GRK4: variants seen among roughly 807,000 people sequenced by gnomAD.
GRK4 encodes G protein-coupled receptor kinase 2-like.
GRK4 carries 73 observed loss-of-function variants against 77.9 expected under a neutral mutation model. The observed-to-expected ratio is 0.94, with a 90% CI of 0.78 to 1.14. The LOEUF (loss-of-function observed/expected upper bound fraction) is 1.14, where lower values mean the gene tolerates loss of function less well. Ranked by LOEUF, GRK4 falls within the 50% of genes most tolerant of loss-of-function variation. The probability of loss-of-function intolerance (pLI) is 0.00; values close to 1 mark genes in which losing one functional copy is unlikely to be tolerated. For missense variants in GRK4, 729 were observed against 700.2 expected (o/e 1.04, Z -0.46); for synonymous variants, 257 against 254.4 (o/e 1.01, Z -0.10).
In GRK4 at chr4:2,963,983, A is replaced by T. The variant is rs1245734236; in HGVS notation, c.-88A>T. On this transcript the variant is annotated 5_prime_UTR_variant, in exon 1 of 16. It removes an upstream start codon present in the reference 5' UTR. Coordinates refer to ENST00000398052, the MANE Select transcript of GRK4 (RefSeq NM_182982.3). ...AGGAGAGGGTGGTGCCCGGCGAGCT[A>T]TGCACGGGGGCGGCGGCGTCTCCTC... 2 of 1,192,250 alleles carry T rather than the reference A, an allele frequency of 1.7e-6. No homozygotes were observed. The highest frequency in any genetic ancestry group is 2.4e-6 in the Non-Finnish European group (2 of 819,194). The allele number at this position is 1,192,250 out of a possible 1,614,324, so 73.9% of individuals were successfully genotyped here.
intron 3 of GRK4, among the ~76,000 whole-genome samples, chr4:2,991,557 C>G (rs1397743708): frequency 6.6e-6 from 1 of 152,212 alleles, no homozygotes; most frequent in Non-Finnish European, 1.5e-5. Context: ...GTTGCCCAGG[C>G]TGGAGTGTAG....
chr4:2,976,893 T>C (rs3021138), intron 1 of GRK4, among the ~76,000 whole-genome samples: 58,397 of 151,944 alleles, frequency 0.38, 11,990 homozygotes, highest in African/African-American at 0.51. Flanking sequence ...TCCACCCCGG[T>C]CTCCCAAAGT....
chr4:3,007,100 G>T (rs969210057), intron 5 of GRK4, among the ~76,000 whole-genome samples: 1 of 152,152 alleles, frequency 6.6e-6, no homozygotes, highest in African/African-American at 2.4e-5. Context: ...GCTTTGGGAG[G>T]CTGAGATGGG....
chr4:3,001,870 G>A (rs949414223), intron 4 of GRK4, among the ~76,000 whole-genome samples: 1 of 152,202 alleles, frequency 6.6e-6, no homozygotes, highest in African/African-American at 2.4e-5. Flanking sequence ...TCAGAAATCA[G>A]TCTGGAATGC....
At chr4:3,029,076 C>T (rs901973148) in intron 11 of GRK4, 125 bp from the exon 12 acceptor site, 12 of 753,262 alleles carry the variant, frequency 1.6e-5, no homozygotes, top group Non-Finnish European at 2.4e-5. Context: ...CCAGCCTTAA[C>T]ATAATGTTTT....
rs185837805 is a variant in GRK4 at position 2,996,293 on chromosome 4, G to A, written c.339+4001G>A. 2.8e-3 allele frequency among the ~76,000 whole-genome samples: 427 copies of A among 152,272 alleles called. 8 individuals are homozygous for A. The highest frequency in any genetic ancestry group is 0.026 in the Admixed American group (391 of 15,306). ...TCTTAGGCCGGGCGCGGTGGCTCAC[G>A]CCTGTAATCCCAGCACTTTGGGAGG... On this transcript the variant is annotated intron_variant, in intron 4 of 15. Coordinates refer to ENST00000398052, the MANE Select transcript of GRK4 (RefSeq NM_182982.3).
At chr4:3,004,023 G>A (rs528827861) in intron 4 of GRK4, among the ~76,000 whole-genome samples, 2 of 152,232 alleles carry the variant, frequency 1.3e-5, no homozygotes, top group Non-Finnish European at 2.9e-5. Flanking sequence ...CTGGCCCTGT[G>A]TGTGTTTTGA....
At chr4:3,008,266 C>T (rs1731891934) in intron 6 of GRK4, among the ~76,000 whole-genome samples, 1 of 152,158 alleles carries the variant, frequency 6.6e-6, no homozygotes, top group African/African-American at 2.4e-5. Flanking sequence ...TAAAACTTAG[C>T]TTAGATTTTT....
chr4:3,038,601 T>A (rs1483142386), intron 15 of GRK4, 88 bp downstream of exon 15: 1 of 1,454,872 alleles, frequency 6.9e-7, no homozygotes, highest in East Asian at 2.3e-5. Flanking sequence ...TGGTACTTTT[T>A]CTGTTTGCGA....
chr4:2,971,943 A>T (rs1719676223), intron 1 of GRK4, among the ~76,000 whole-genome samples: 1 of 152,158 alleles, frequency 6.6e-6, no homozygotes, highest in African/African-American at 2.4e-5. Flanking sequence ...CACCCTAATG[A>T]CCTAATTTTA....
intron 15 of GRK4, 152 bp from the exon 16 acceptor site, chr4:3,040,420 G>A (rs891629335): frequency 3.3e-5 from 19 of 579,782 alleles, no homozygotes; most frequent in Admixed American, 6.5e-5. Context: ...CAGCCTGGGC[G>A]ACAGAGTGAG....
At chr4:3,007,019 A>C (rs906920498) in intron 5 of GRK4, among the ~76,000 whole-genome samples, 4 of 152,090 alleles carry the variant, frequency 2.6e-5, no homozygotes, top group Non-Finnish European at 4.4e-5. Context: ...CATGTGCACT[A>C]AGTGACATGT....
At chr4:3,006,774 A>AG (rs745933121) in intron 5 of GRK4, among the ~76,000 whole-genome samples, 7 of 152,118 alleles carry the variant, frequency 4.6e-5, no homozygotes, top group Non-Finnish European at 7.4e-5. Flanking sequence ...CCAAAAAAAA[A>AG]GAAAAGAGAT....
intron 2 of GRK4, among the ~76,000 whole-genome samples, 163 bp from the exon 3 acceptor site, chr4:2,988,564 A>C (rs2051557): frequency 0.37 from 55,429 of 151,162 alleles, 10,564 homozygotes; most frequent in African/African-American, 0.45. Context: ...GAGGAGGGAG[A>C]CTGTCTGAAA....
chr4:3,039,338 C>T (rs1446249890), intron 15 of GRK4, among the ~76,000 whole-genome samples: 3 of 152,162 alleles, frequency 2.0e-5, no homozygotes, highest in African/African-American at 7.2e-5. Context: ...CTACTTTGCA[C>T]CCTGTGTGTT....
At chr4:3,035,283 CT>C in intron 12 of GRK4, 102 bp from the exon 13 acceptor site, 4 of 1,145,690 alleles carry the variant, frequency 3.5e-6, no homozygotes, top group Non-Finnish European at 5.3e-6. Flanking sequence ...TTAGATGCAC[CT>C]GCTCTGCCCT....
intron 9 of GRK4, among the ~76,000 whole-genome samples, chr4:3,020,799 A>G (rs535280417): frequency 1.5e-4 from 21 of 141,728 alleles, no homozygotes; most frequent in Middle Eastern, 3.6e-3. Context: ...TGAAAGGGGG[A>G]AAAAAAAGAG....
chr4:3,018,206 C>T lies in GRK4; in HGVS notation c.742-1435C>T, dbSNP rs184368575. On this transcript the variant is annotated intron_variant, in intron 8 of 15. Coordinates refer to ENST00000398052, the MANE Select transcript of GRK4 (RefSeq NM_182982.3). Reference sequence around the variant, plus strand: ...GATTATAGGTATGAACCACTGTGCCCGGCCACAACTCATTATTTTCGAACA... The same window carrying T: ...GATTATAGGTATGAACCACTGTGCCTGGCCACAACTCATTATTTTCGAACA... 1.0e-3 allele frequency among the ~76,000 whole-genome samples: 152 copies of T among 151,690 alleles called. 1 individual carries two copies. The highest frequency in any genetic ancestry group is 3.5e-3 in the Admixed American group (54 of 15,232).
At chr4:3,019,951 T>C (rs1429632263) in intron 9 of GRK4, 120 bp downstream of exon 9, 1 of 899,270 alleles carries the variant, frequency 1.1e-6, no homozygotes, top group Non-Finnish European at 1.7e-6. Context: ...TGGGAGGCCC[T>C]CGATGGTGAT....
Sources: gnomAD v4.1 joint callset for allele counts (sites outside exome capture counted in the v4.1 genomes callset) on GRCh38, gnomAD v4.1.1 for gene constraint, MANE v1.5 for transcripts, NCBI Gene and HGNC (gene_info 2026-07-23, HGNC 2026-07-21) for gene names.